The following HS3ST3A1 variants were observed in gnomAD, a reference collection of about 807,000 sequenced individuals.
The protein encoded by HS3ST3A1 is heparan sulfate glucosamine 3-O-sulfotransferase 3A1.
HS3ST3A1 carries 19 observed loss-of-function variants against 25.7 expected under a neutral mutation model. That is an observed-to-expected ratio of 0.74 (90% CI 0.52 to 1.08). The LOEUF is 1.08. HS3ST3A1 is among the 50% of genes least tolerant of loss of function. HS3ST3A1 has a pLI of 0.00. For synonymous variants in HS3ST3A1, 226 were observed against 278.6 expected (o/e 0.81, Z 1.88); for missense variants, 459 against 594.3 (o/e 0.77, Z 2.37).
At chr17:13,580,270 A>G (rs2142381717) in intron 1 of HS3ST3A1, among the ~76,000 whole-genome samples, 1 of 152,292 alleles carries the variant, frequency 6.6e-6, no homozygotes, top group East Asian at 1.9e-4. Context: ...CTAAATAACA[A>G]TGGTAACACA....
At chr17:13,574,648 G>T (rs1907904166) in intron 1 of HS3ST3A1, among the ~76,000 whole-genome samples, 2 of 151,852 alleles carry the variant, frequency 1.3e-5, no homozygotes, top group Non-Finnish European at 2.9e-5. Flanking sequence ...AACCCAGGAG[G>T]TGGAGCCTGC....
In HS3ST3A1 at chr17:13,495,324, C is replaced by T. The variant is rs930203996; in HGVS notation, c.*873G>A. Among the ~76,000 whole-genome samples, 2 of 152,050 alleles carry T rather than the reference C, an allele frequency of 1.3e-5. No individual in the cohort carries two copies. The highest frequency in any genetic ancestry group is 2.9e-5 in the Non-Finnish European group (2 of 68,008). ...CATATCTCAGTGTACTTTAAATAGC[C>T]AAGAGGCAAGACTGGCTCTTAAGAG... On this transcript the variant is annotated 3_prime_UTR_variant, in exon 2 of 2. Transcript: ENST00000284110.
chr17:13,494,450 A>G lies in HS3ST3A1; in HGVS notation c.*1747T>C, dbSNP rs1388487593. On this transcript the variant is annotated 3_prime_UTR_variant, in exon 2 of 2. Coordinates refer to ENST00000284110, the MANE Select transcript of HS3ST3A1 (RefSeq NM_006042.3). ...GTGTTAAGCTTCTCAAGAAATATTTACATCACCTAATGCAGCAGCTATGGT... is the reference window on the plus strand; with the variant it reads ...GTGTTAAGCTTCTCAAGAAATATTTGCATCACCTAATGCAGCAGCTATGGT... 6.6e-6 allele frequency among the ~76,000 whole-genome samples: 1 copy of G among 152,194 alleles called. No individual in the cohort carries two copies. Among genetic ancestry groups the G allele is most frequent in the Admixed American group, 6.5e-5 (1 of 15,286 alleles).
intron 1 of HS3ST3A1, among the ~76,000 whole-genome samples, chr17:13,550,241 C>T (rs35959207): frequency 0.099 from 15,075 of 152,198 alleles, 893 homozygotes; most frequent in Non-Finnish European, 0.14. Context: ...CTTTTCAGGA[C>T]TCATGACAGA....
intron 1 of HS3ST3A1, among the ~76,000 whole-genome samples, chr17:13,521,039 G>A (rs1415565142): frequency 6.6e-6 from 1 of 152,152 alleles, no homozygotes; most frequent in Non-Finnish European, 1.5e-5. Context: ...CAAGCATTCT[G>A]TTGGGCTTCC....
chr17:13,533,760 C>A (rs1238193387), intron 1 of HS3ST3A1, among the ~76,000 whole-genome samples: 1 of 152,028 alleles, frequency 6.6e-6, no homozygotes, highest in East Asian at 1.9e-4. Context: ...TTATTGTCGT[C>A]AAAGATCATA....
intron 1 of HS3ST3A1, among the ~76,000 whole-genome samples, chr17:13,534,547 CAAAAAAAAA>C (rs34383911): frequency 1.9e-3 from 63 of 32,826 alleles, no homozygotes; most frequent in Middle Eastern, 0.036. Context: ...CTACAAAATC[CAAAAAAAAA>C]AAAAAAAAAA....
intron 1 of HS3ST3A1, among the ~76,000 whole-genome samples, chr17:13,598,934 G>C (rs1188768956): frequency 1.3e-5 from 2 of 152,166 alleles, no homozygotes; most frequent in Non-Finnish European, 2.9e-5. Flanking sequence ...CATAGTGTTA[G>C]ATGTTTCAGA....
At chr17:13,528,174 T>C (rs1484144871) in intron 1 of HS3ST3A1, among the ~76,000 whole-genome samples, 1 of 152,168 alleles carries the variant, frequency 6.6e-6, no homozygotes, top group African/African-American at 2.4e-5. Context: ...CCTAATGTAA[T>C]GTGAAGGCTG....
At chr17:13,590,898 G>A (rs1219803347) in intron 1 of HS3ST3A1, among the ~76,000 whole-genome samples, 3 of 147,620 alleles carry the variant, frequency 2.0e-5, no homozygotes, top group African/African-American at 7.6e-5. Context: ...TTCCGGGAGA[G>A]CACTGGATTG....
In HS3ST3A1 at chr17:13,580,086, G is replaced by C. The variant is rs116357731; in HGVS notation, c.599+20445C>G. Among the ~76,000 whole-genome samples, 492 of 151,746 alleles carry C rather than the reference G, an allele frequency of 3.2e-3. 4 individuals carry two copies. Among genetic ancestry groups the C allele is most frequent in the African/African-American group, 0.011 (460 of 41,358 alleles). On this transcript the variant is annotated intron_variant, in intron 1 of 1. Coordinates refer to ENST00000284110, the MANE Select transcript of HS3ST3A1 (RefSeq NM_006042.3). ...TGCCATTGCATTTGCCATGTTTTTC[G>C]TAAGGGGCAGCATATACAGTCTGTT... is the stretch of plus-strand genomic sequence containing the variant.
At chr17:13,568,045 C>T (rs1907718586) in intron 1 of HS3ST3A1, among the ~76,000 whole-genome samples, 1 of 152,156 alleles carries the variant, frequency 6.6e-6, no homozygotes, top group Non-Finnish European at 1.5e-5. Context: ...ATCAATGAGG[C>T]AAATTTCATT....
rs1395569900 is a variant in HS3ST3A1, at chr17:13,585,840, G to GTTCTT, written c.599+14690_599+14691insAAGAA. On this transcript the variant is annotated intron_variant, in intron 1 of 1. Coordinates refer to ENST00000284110, the MANE Select transcript of HS3ST3A1 (RefSeq NM_006042.3). ...TGAGACCTGTTATTCCTCCTTCTGCGTTTTTTTTTTTTTTTTTTTTTTTTT... is the reference window on the plus strand; with the variant it reads ...TGAGACCTGTTATTCCTCCTTCTGCGTTCTTTTTTTTTTTTTTTTTTTTTTTTTTT... 6.4e-5 allele frequency among the ~76,000 whole-genome samples: 4 copies of GTTCTT among 62,024 alleles called. 1 individual carries two copies. Among genetic ancestry groups the GTTCTT allele is most frequent in the African/African-American group, 3.4e-4 (4 of 11,720 alleles). The allele number at this position is 62,024 out of a possible 152,430, so 40.7% of individuals were successfully genotyped here.
intron 1 of HS3ST3A1, among the ~76,000 whole-genome samples, chr17:13,528,173 A>G (rs973844698): frequency 3.9e-5 from 6 of 152,180 alleles, no homozygotes; most frequent in Admixed American, 3.9e-4. Context: ...TCCTAATGTA[A>G]TGTGAAGGCT....
chr17:13,530,355 G>A (rs370790514), intron 1 of HS3ST3A1, among the ~76,000 whole-genome samples: 32 of 152,150 alleles, frequency 2.1e-4, no homozygotes, highest in Middle Eastern at 3.4e-3. Context: ...ATATCAACAA[G>A]GTAGTTCACA....
chr17:13,555,513 C>G (rs1164189326), intron 1 of HS3ST3A1, among the ~76,000 whole-genome samples: 1 of 152,094 alleles, frequency 6.6e-6, no homozygotes, highest in Non-Finnish European at 1.5e-5. Flanking sequence ...GTCCCCAGAT[C>G]CCTGAGGGCC....
intron 1 of HS3ST3A1, among the ~76,000 whole-genome samples, chr17:13,596,646 C>A (rs1203350646): frequency 6.6e-6 from 1 of 152,118 alleles, no homozygotes; most frequent in Non-Finnish European, 1.5e-5. Context: ...CTCTTCCTAG[C>A]CCTCATCTAT....
intron 1 of HS3ST3A1, among the ~76,000 whole-genome samples, chr17:13,587,408 C>T (rs756265102): frequency 6.6e-6 from 1 of 152,222 alleles, no homozygotes; most frequent in Non-Finnish European, 1.5e-5. Flanking sequence ...GAGCTGATAT[C>T]GTGCCACTGC....
intron 1 of HS3ST3A1, among the ~76,000 whole-genome samples, chr17:13,535,170 T>C (rs1431306396): frequency 6.6e-6 from 1 of 152,256 alleles, no homozygotes; most frequent in African/African-American, 2.4e-5. Context: ...TCTTGTTTTA[T>C]GTGTTTCTGT....
Sources: gnomAD v4.1 joint callset for allele counts (sites outside exome capture counted in the v4.1 genomes callset) on GRCh38, gnomAD v4.1.1 for gene constraint, MANE v1.5 for transcripts, NCBI Gene and HGNC (gene_info 2026-07-23, HGNC 2026-07-21) for gene names.